PCCA: variants seen among roughly 807,000 people sequenced by gnomAD.
PCCA encodes propionyl-CoA carboxylase subunit alpha, also known as propionyl-CoA carboxylase alpha chain, mitochondrial.
PCCA carries 74 observed loss-of-function variants against 101.3 expected under a neutral mutation model. The observed-to-expected ratio is 0.73, with a 90% CI of 0.61 to 0.89. The LOEUF is 0.89. Ranked by LOEUF, PCCA falls within the 40% of genes least tolerant of loss-of-function variation. The pLI, the probability that PCCA is intolerant of heterozygous loss-of-function variation, is 0.00. For synonymous variants in PCCA, 294 were observed against 313.6 expected, an observed-to-expected ratio of 0.94 and a Z score of 0.66; for missense variants, 891 against 907.0, an observed-to-expected ratio of 0.98 and a Z score of 0.23.
intron 8 of PCCA, among the ~76,000 whole-genome samples, chr13:100,245,595 A>G (rs1320314833): frequency 6.6e-6 from 1 of 152,216 alleles, no homozygotes; most frequent in Non-Finnish European, 1.5e-5. Context: ...CTGCAATGTC[A>G]TAGATTACAG....
chr13:100,279,027 G>A lies in PCCA; in HGVS notation c.1065+5681G>A, dbSNP rs561224391. ...GCTATAGAATGTCATGTCCATGTTC[G>A]GCCTGAAATTGCCCCACTTCTCACC... On this transcript the variant is annotated intron_variant, in intron 12 of 23. Coordinates refer to ENST00000376285, the MANE Select transcript of PCCA (RefSeq NM_000282.4). Among the ~76,000 whole-genome samples the A allele has an allele frequency of 6.6e-4, 101 of 152,074 alleles. 1 individual carries two copies. The highest frequency in any genetic ancestry group is 2.1e-3 in the African/African-American group (89 of 41,490).
chr13:100,354,991 A>C (rs1239792516), intron 18 of PCCA, among the ~76,000 whole-genome samples: 1 of 152,206 alleles, frequency 6.6e-6, no homozygotes, highest in African/African-American at 2.4e-5. Flanking sequence ...TTCCAAAACC[A>C]GATAAAGTCA....
chr13:100,114,793 T>G (rs943973469), intron 4 of PCCA, among the ~76,000 whole-genome samples: 5 of 152,152 alleles, frequency 3.3e-5, no homozygotes, highest in African/African-American at 9.7e-5. Context: ...CTGGCGAGGA[T>G]GTAGAGAAAG....
intron 22 of PCCA, among the ~76,000 whole-genome samples, chr13:100,524,477 T>G (rs1471753371): frequency 2.0e-5 from 3 of 151,732 alleles, no homozygotes; most frequent in African/African-American, 7.3e-5. Context: ...TGAAGGAAGT[T>G]TTTAAACACC....
intron 22 of PCCA, among the ~76,000 whole-genome samples, chr13:100,524,880 ATAGATAGAT>A (rs933477623): frequency 6.6e-6 from 1 of 152,182 alleles, no homozygotes; most frequent in African/African-American, 2.4e-5. Context: ...TCTAAGATAG[ATAGATAGAT>A]TAGATAGATT....
intron 6 of PCCA, among the ~76,000 whole-genome samples, chr13:100,172,821 T>C (rs756321503): frequency 6.6e-6 from 1 of 152,206 alleles, no homozygotes; most frequent in Non-Finnish European, 1.5e-5. Flanking sequence ...ACAGGTACTA[T>C]TATTTCTGCT....
chr13:100,174,360 T>A (rs1036270215), intron 6 of PCCA, among the ~76,000 whole-genome samples: 1 of 150,926 alleles, frequency 6.6e-6, no homozygotes, highest in African/African-American at 2.4e-5. Context: ...AGAAACCACA[T>A]AGAGAAAATA....
chr13:100,286,549 A>G (rs1262425671), intron 12 of PCCA, among the ~76,000 whole-genome samples: 1 of 152,238 alleles, frequency 6.6e-6, no homozygotes, highest in African/African-American at 2.4e-5. Flanking sequence ...AGTAGAAGGC[A>G]ACGAATTGAA....
chr13:100,409,120 T>A (rs1333745659), intron 19 of PCCA, among the ~76,000 whole-genome samples: 1 of 152,054 alleles, frequency 6.6e-6, no homozygotes, highest in African/African-American at 2.4e-5. Context: ...GCTGCTGCTC[T>A]CTGGTCCCTC....
chr13:100,522,163 C>G (rs2087352448), intron 22 of PCCA, among the ~76,000 whole-genome samples: 1 of 152,188 alleles, frequency 6.6e-6, no homozygotes, highest in Non-Finnish European at 1.5e-5. Flanking sequence ...ATTAATTGGC[C>G]TGCGTAGAAG....
intron 21 of PCCA, among the ~76,000 whole-genome samples, chr13:100,492,141 CT>C (rs1052574999): frequency 2.7e-4 from 39 of 146,582 alleles, no homozygotes; most frequent in Non-Finnish European, 2.6e-4. Flanking sequence ...ATCTCTCTCT[CT>C]TTTTTTTTTT....
At chr13:100,145,941 G>A (rs557472547) in intron 4 of PCCA, among the ~76,000 whole-genome samples, 2 of 143,114 alleles carry the variant, frequency 1.4e-5, no homozygotes, top group Non-Finnish European at 3.1e-5. Flanking sequence ...AGATAGTTTT[G>A]CTTTTTTTTT....
At chr13:100,268,636 A>G (rs909465534) in intron 10 of PCCA, 53 bp from the exon 11 acceptor site, 1 of 1,243,658 alleles carries the variant, frequency 8.0e-7, no homozygotes, top group African/African-American at 1.5e-5. Context: ...ATTAACCATC[A>G]TCTACTTTGT....
intron 22 of PCCA, among the ~76,000 whole-genome samples, chr13:100,524,174 G>A (rs554961100): frequency 6.6e-6 from 1 of 152,344 alleles, no homozygotes; most frequent in East Asian, 1.9e-4. Flanking sequence ...GCCGAGTGCT[G>A]GCATTTTGCT....
intron 19 of PCCA, among the ~76,000 whole-genome samples, chr13:100,419,632 CAGTT>C (rs1426071173): frequency 2.0e-5 from 3 of 152,186 alleles, no homozygotes; most frequent in Non-Finnish European, 4.4e-5. Context: ...GGAAGAGACA[CAGTT>C]AGGGAGCTAT....
At chr13:100,129,023 G>C (rs966082404) in intron 4 of PCCA, among the ~76,000 whole-genome samples, 1 of 152,072 alleles carries the variant, frequency 6.6e-6, no homozygotes, top group African/African-American at 2.4e-5. Context: ...GACGTCTCTA[G>C]TTGAATGTTT....
intron 7 of PCCA, among the ~76,000 whole-genome samples, chr13:100,210,481 T>C (rs532739018): frequency 1.3e-5 from 2 of 152,242 alleles, no homozygotes; most frequent in Middle Eastern, 3.2e-3. Flanking sequence ...ATCTTTATCT[T>C]GAGCTTCTCT....
At chr13:100,366,757 G>A (rs1312224431) in intron 18 of PCCA, among the ~76,000 whole-genome samples, 1 of 151,302 alleles carries the variant, frequency 6.6e-6, no homozygotes, top group Non-Finnish European at 1.5e-5. Context: ...AATCGTCAAG[G>A]CCTGTGTGTA....
intron 21 of PCCA, among the ~76,000 whole-genome samples, chr13:100,507,188 C>G (rs116155634): frequency 0.021 from 3,135 of 152,270 alleles, 46 homozygotes; most frequent in Non-Finnish European, 0.035. Context: ...TGCACATGTT[C>G]TATTTTGTGC....
Sources: allele counts gnomAD v4.1 joint callset (sites outside exome capture counted in the v4.1 genomes callset), GRCh38; gene constraint gnomAD v4.1.1; transcripts MANE v1.5; gene names NCBI Gene and HGNC (gene_info 2026-07-23, HGNC 2026-07-21).